The following VPS53 variants were observed in gnomAD, a reference collection of about 807,000 sequenced individuals.
The protein encoded by VPS53 is VPS53 subunit of GARP complex, also known as vacuolar protein sorting-associated protein 53 homolog.
In VPS53, 70 loss-of-function variants were observed where a neutral mutation model predicts 107.0. That is an observed-to-expected ratio of 0.65 (90% confidence interval 0.54 to 0.80). VPS53 has a LOEUF of 0.80. VPS53 is among the 30% of genes least tolerant of loss of function. VPS53 has a pLI of 0.00. For missense variants in VPS53, 917 were observed against 1,049.4 expected (o/e 0.87, Z 1.74); for synonymous variants, 409 against 393.3 (o/e 1.04, Z -0.47).
At chr17:552,980 A>G (rs112186851) in intron 16 of VPS53, 33 of 48,934 alleles carry the variant, frequency 6.7e-4, no homozygotes, top group African/African-American at 2.0e-3. Flanking sequence ...AGCGTGTACA[A>G]GGTATATACG....
At chr17:705,141 T>A (rs16954587) in intron 2 of VPS53, among the ~76,000 whole-genome samples, 2,954 of 152,126 alleles carry the variant, frequency 0.019, 203 homozygotes, top group East Asian at 0.19. Flanking sequence ...ATGACCTGAG[T>A]ATGTTCAAAC....
chr17:657,547 T>C lies in VPS53; in HGVS notation c.373-1594A>G, dbSNP rs1567714691. On this transcript the variant is annotated intron_variant, in intron 5 of 21. Transcript: ENST00000437048. ...AGATGCTTCTTGGCACCACGAGCCA[T>C]GGCTGCATTAGGCAAGGAAAAGAGG... 7 of 1,157,686 alleles carry C rather than the reference T, an allele frequency of 6.0e-6. No homozygotes were observed. The African/African-American group carries it at 6.1e-5, about 10-fold the overall frequency. The allele number at this position is 1,157,686 out of a possible 1,614,324, so 71.7% of individuals were successfully genotyped here.
intron 6 of VPS53, 77 bp downstream of exon 6, chr17:655,761 G>T: frequency 7.5e-7 from 1 of 1,340,118 alleles, no homozygotes; most frequent in Non-Finnish European, 1.0e-6. Context: ...TGGCTGAGAA[G>T]TAAATAGGCG....
At chr17:664,613 G>A (rs1047783163) in intron 4 of VPS53, among the ~76,000 whole-genome samples, 1 of 152,148 alleles carries the variant, frequency 6.6e-6, no homozygotes, top group African/African-American at 2.4e-5. Flanking sequence ...CTAAACAAGG[G>A]ACAGATGTAT....
Position 693,573 on chromosome 17 carries a change from T to A in VPS53, c.285+3845A>T, listed in dbSNP as rs141409456. Among the ~76,000 whole-genome samples the A allele has an allele frequency of 1.8e-3, 270 of 152,118 alleles. 1 individual carries two copies. The highest frequency in any genetic ancestry group is 7.5e-3 in the South Asian group (36 of 4,822). The stretch of plus-strand genomic sequence containing the variant: ...CCCATCTCTACCAAAAATAAAAAAT[T>A]AAAAATTAAAAATAGCTGTGTGTGG... On this transcript the variant is annotated intron_variant, in intron 4 of 21. Coordinates refer to ENST00000437048, the MANE Select transcript of VPS53 (RefSeq NM_001128159.3).
intron 4 of VPS53, among the ~76,000 whole-genome samples, chr17:688,095 C>T (rs1157969547): frequency 6.6e-6 from 1 of 152,010 alleles, no homozygotes; most frequent in Non-Finnish European, 1.5e-5. Flanking sequence ...CAAAGTGTTC[C>T]AAATATGCCG....
Position 524,438 on chromosome 17 carries a change from G to T in VPS53, c.2086-2700C>A, listed in dbSNP as rs1414691186. Among the ~76,000 whole-genome samples, 16 of 152,142 alleles carry T rather than the reference G, an allele frequency of 1.1e-4. No individual in the cohort carries two copies. The highest frequency in any genetic ancestry group is 5.9e-5 in the Non-Finnish European group (4 of 68,034). On this transcript the variant is annotated intron_variant, in intron 19 of 21. Coordinates refer to ENST00000437048, the MANE Select transcript of VPS53 (RefSeq NM_001128159.3). This position sits in a 1 kb window ranked among gnomAD's most constrained non-coding sequence, Gnocchi z 4.5. ...ATCAGAAGAAACAAACAAAGTAAAA[G>T]ACAAGACATAAATCAGGAGAAGATA...
intron 4 of VPS53, among the ~76,000 whole-genome samples, chr17:663,473 C>T (rs1461880588): frequency 3.3e-5 from 5 of 151,846 alleles, no homozygotes; most frequent in Admixed American, 2.6e-4. Flanking sequence ...AGCCCACAGA[C>T]GTGTATCGAC....
chr17:581,384 C>G (rs1967008449), intron 13 of VPS53, among the ~76,000 whole-genome samples: 1 of 150,266 alleles, frequency 6.7e-6, no homozygotes, highest in South Asian at 2.1e-4. Flanking sequence ...CCCTGAGAAC[C>G]CTGAGGTCAC....
At chr17:585,250 C>T (rs1204156874) in intron 13 of VPS53, among the ~76,000 whole-genome samples, 1 of 152,190 alleles carries the variant, frequency 6.6e-6, no homozygotes, top group Non-Finnish European at 1.5e-5. Flanking sequence ...TACAATGCCA[C>T]TTTTATGGTG....
At chr17:572,780 G>T (rs1430948960) in intron 13 of VPS53, among the ~76,000 whole-genome samples, 1 of 148,546 alleles carries the variant, frequency 6.7e-6, no homozygotes, top group Admixed American at 6.6e-5. Flanking sequence ...AGGGTTAAAT[G>T]GATTAAGGGC....
intron 17 of VPS53, among the ~76,000 whole-genome samples, chr17:548,893 G>C (rs750567093): frequency 1.3e-5 from 2 of 152,198 alleles, no homozygotes; most frequent in Non-Finnish European, 2.9e-5. Context: ...GCCCTCATCT[G>C]TTTCAAACAC....
rs1014519022 is a variant in VPS53 at position 512,106 on chromosome 17, G to T, written c.*7022C>A. 1 of 152,194 alleles carries T rather than the reference G, an allele frequency of 6.6e-6. No individual in the cohort carries two copies. Among genetic ancestry groups the T allele is most frequent in the East Asian group, 1.9e-4 (1 of 5,194 alleles). 9.4% of individuals were successfully genotyped at this position (152,194 alleles called of 1,614,324 possible). On this transcript the variant is annotated 3_prime_UTR_variant, in exon 22 of 22. Coordinates refer to ENST00000437048, the MANE Select transcript of VPS53 (RefSeq NM_001128159.3). Reference sequence around the variant, plus strand: ...TGATATTACAGTCATGACCTAAAAAGGCAAAGACCAGATATGCGGAGCTCG... The same window carrying T: ...TGATATTACAGTCATGACCTAAAAATGCAAAGACCAGATATGCGGAGCTCG...
Position 653,402 on chromosome 17 carries a change from G to A in VPS53, c.497C>T (p.Thr166Ile). 6.2e-7 allele frequency: 1 copy of A among 1,613,966 alleles called. No homozygotes were observed. ...AACTTCTCCGTATTGTCTTCGCCTG[G>A]TCATGGCTCTGCAAGGAAAGAATAA... ...AGGVDSLEAM[T>I]RRRQYGEVAN... is the part of the protein sequence containing the mutation. Residue 166 changes from threonine (T) to isoleucine (I), a missense_variant, in exon 7 of 22, where the codon ACC (threonine) becomes ATC (isoleucine). Thr to Ile is a moderately conservative substitution (Grantham distance 89, BLOSUM62 -1). Transcript: ENST00000437048.
chr17:519,028 C>T lies in VPS53; in HGVS notation c.*100G>A, dbSNP rs1020193614. ...CACATGTCCCAGGAAGTTTGAAGACCGACGATGTGAGAGTGCCGGGGAGCA... is the reference window on the plus strand; with the variant it reads ...CACATGTCCCAGGAAGTTTGAAGACTGACGATGTGAGAGTGCCGGGGAGCA... On this transcript the variant is annotated 3_prime_UTR_variant, in exon 22 of 22. Coordinates refer to ENST00000437048, the MANE Select transcript of VPS53 (RefSeq NM_001128159.3). This position sits in a 1 kb window ranked among gnomAD's most constrained non-coding sequence, Gnocchi z 5.0. 15 of 1,311,900 alleles carry T rather than the reference C, an allele frequency of 1.1e-5. No homozygotes were observed. In the Admixed American group the frequency reaches 1.9e-4, roughly 17 times the overall value. 81.3% of individuals were successfully genotyped at this position (1,311,900 alleles called of 1,614,324 possible).
intron 6 of VPS53, among the ~76,000 whole-genome samples, chr17:654,200 C>CA (rs1971081838): frequency 6.6e-6 from 1 of 151,784 alleles, no homozygotes; most frequent in Non-Finnish European, 1.5e-5. Flanking sequence ...GTCTCAAAAA[C>CA]AAAAACAAAA....
intron 4 of VPS53, among the ~76,000 whole-genome samples, chr17:677,457 G>C (rs887446942): frequency 3.9e-5 from 6 of 152,164 alleles, no homozygotes; most frequent in Admixed American, 3.9e-4. Context: ...GAGGAAAGTG[G>C]GCAGGGGAAG....
rs1046394722 is a variant in VPS53, at chr17:648,207, G to C, written c.608+5084C>G. On this transcript the variant is annotated intron_variant, in intron 7 of 21. Coordinates refer to ENST00000437048, the MANE Select transcript of VPS53 (RefSeq NM_001128159.3). Reference sequence around the variant, plus strand: ...AATTCCCATTTCTCGCCCACGAGCAGGTAGCAGTAAAAGAGCATTCTTGAT... The same window carrying C: ...AATTCCCATTTCTCGCCCACGAGCACGTAGCAGTAAAAGAGCATTCTTGAT... 3.9e-5 allele frequency among the ~76,000 whole-genome samples: 6 copies of C among 152,202 alleles called. No individual in the cohort carries two copies. The South Asian group carries it at 1.2e-3, about 31-fold the overall frequency.
rs1908033271 is a variant in VPS53, at chr17:512,808, C to A, written c.*6320G>T. 1 of 151,746 alleles carries A rather than the reference C, an allele frequency of 6.6e-6. No homozygotes were observed. Among genetic ancestry groups the A allele is most frequent in the African/African-American group, 2.4e-5 (1 of 41,262 alleles). 9.4% of individuals were successfully genotyped at this position (151,746 alleles called of 1,614,324 possible). On this transcript the variant is annotated 3_prime_UTR_variant, in exon 22 of 22. Transcript: ENST00000437048. Reference sequence around the variant, plus strand: ...GTGCAGGAGAGAAATCACTAAAGGACACAAGACTTCCCAAAGAGTTTTCAT... The same window carrying A: ...GTGCAGGAGAGAAATCACTAAAGGAAACAAGACTTCCCAAAGAGTTTTCAT...
Sources: allele counts gnomAD v4.1 joint callset (sites outside exome capture counted in the v4.1 genomes callset), GRCh38; gene constraint gnomAD v4.1.1; non-coding constraint Gnocchi (gnomAD v3.1); transcripts MANE v1.5; gene names NCBI Gene and HGNC (gene_info 2026-07-23, HGNC 2026-07-21).